RABGAP1L: variants seen among roughly 807,000 people sequenced by gnomAD.
RABGAP1L encodes rab GTPase-activating protein 1-like.
A neutral mutation model predicts 137.7 loss-of-function variants in RABGAP1L; 63 were observed. The ratio of observed to expected loss-of-function variants is 0.46; its 90% confidence interval spans 0.37 to 0.56. RABGAP1L has a LOEUF of 0.56. Ranked by LOEUF, RABGAP1L falls within the 20% of genes least tolerant of loss-of-function variation. The probability of loss-of-function intolerance (pLI) is 0.00; values close to 1 mark genes in which losing one functional copy is unlikely to be tolerated. For missense variants in RABGAP1L, 1,095 were observed against 1,244.0 expected, an observed-to-expected ratio of 0.88 and a Z score of 1.80; for synonymous variants, 431 against 433.7, an observed-to-expected ratio of 0.99 and a Z score of 0.08.
chr1:174,280,033 ACTGT>A (rs764616769), intron 10 of RABGAP1L, among the ~76,000 whole-genome samples: 1 of 124,524 alleles, frequency 8.0e-6, no homozygotes. Flanking sequence ...AGTACTTTTG[ACTGT>A]CTGTCTGCCT....
chr1:174,672,281 C>CTTTTTTTTTT (rs1256381168), intron 14 of RABGAP1L, among the ~76,000 whole-genome samples: 1 of 118,386 alleles, frequency 8.4e-6, no homozygotes, highest in Non-Finnish European at 1.7e-5. Flanking sequence ...TTTTTCCTTT[C>CTTTTTTTTTT]TTTTTTTTTT....
At position 174,448,002 on chromosome 1, in the gene RABGAP1L, C is replaced by T; in HGVS notation, c.1710+53857C>T. The T allele has an allele frequency of 7.1e-6, 6 of 843,544 alleles. No homozygotes were observed. The highest frequency in any genetic ancestry group is 6.6e-5 in the South Asian group (4 of 60,572). The allele number at this position is 843,544 out of a possible 1,614,324, so 52.3% of individuals were successfully genotyped here. ...CTCAGCTGTGACAGAAGCACTGACACTGTCTACTGAAGCAGGTTCTGAAAC... is the reference window on the plus strand; with the variant it reads ...CTCAGCTGTGACAGAAGCACTGACATTGTCTACTGAAGCAGGTTCTGAAAC... On this transcript the variant is annotated intron_variant, in intron 13 of 25. Transcript: ENST00000681986. The surrounding 1 kb of genome is among the most constrained non-coding windows in gnomAD (Gnocchi z 4.2).
At chr1:174,919,207 G>A (rs1245445095) in intron 19 of RABGAP1L, among the ~76,000 whole-genome samples, 5 of 152,014 alleles carry the variant, frequency 3.3e-5, no homozygotes, top group East Asian at 3.9e-4. Context: ...TAGTAGAGAC[G>A]GGGTTTCTCC....
At chr1:174,169,692 T>C (rs542229454) in intron 1 of RABGAP1L, among the ~76,000 whole-genome samples, 1 of 151,796 alleles carries the variant, frequency 6.6e-6, no homozygotes, top group African/African-American at 2.4e-5. Context: ...CAATTTTTCC[T>C]TTTTTTCATG....
At chr1:174,958,243 A>G (rs1046035561) in intron 20 of RABGAP1L, 1 of 1,230,210 alleles carries the variant, frequency 8.1e-7, no homozygotes, top group African/African-American at 1.5e-5. Flanking sequence ...AACAACAGTG[A>G]TATTTGAGTT....
chr1:174,614,701 A>T (rs902675620), intron 13 of RABGAP1L, among the ~76,000 whole-genome samples: 1 of 152,132 alleles, frequency 6.6e-6, no homozygotes, highest in Non-Finnish European at 1.5e-5. Flanking sequence ...TCTCCCCGTC[A>T]CTTTCAGGTA....
intron 21 of RABGAP1L, 188 bp from the exon 22 acceptor site, chr1:174,975,890 C>T: frequency 1.8e-6 from 1 of 553,152 alleles, no homozygotes; most frequent in Non-Finnish European, 3.3e-6. Flanking sequence ...ATAATGTGTG[C>T]CAACTAGATG....
chr1:174,489,935 T>G (rs1660058302), intron 13 of RABGAP1L, among the ~76,000 whole-genome samples: 1 of 152,126 alleles, frequency 6.6e-6, no homozygotes, highest in Admixed American at 6.5e-5. Flanking sequence ...TTCTTTTTAA[T>G]TATTTCAATC....
chr1:174,373,669 C>G (rs1214820115), intron 12 of RABGAP1L, among the ~76,000 whole-genome samples: 4 of 152,158 alleles, frequency 2.6e-5, no homozygotes, highest in Non-Finnish European at 1.5e-5. Flanking sequence ...TACTTGTTAG[C>G]CTGGCTAGTA....
intron 17 of RABGAP1L, among the ~76,000 whole-genome samples, chr1:174,709,583 G>A (rs756842336): frequency 6.6e-6 from 1 of 152,108 alleles, no homozygotes; most frequent in Non-Finnish European, 1.5e-5. Context: ...TGCAAAAAGG[G>A]CCCTGACTAT....
chr1:174,263,036 C>T lies in RABGAP1L; in HGVS notation c.987-9378C>T, dbSNP rs577956342. The stretch of plus-strand genomic sequence containing the variant: ...GCTGTGCACTCACATGCAGTCCCTC[C>T]GTGAGCTCATAGCTTTGGTTCTGTC... On this transcript the variant is annotated intron_variant, in intron 7 of 25. Transcript: ENST00000681986. 4.7e-4 allele frequency among the ~76,000 whole-genome samples: 71 copies of T among 152,322 alleles called. 1 individual carries two copies. Among genetic ancestry groups the T allele is most frequent in the African/African-American group, 1.6e-3 (66 of 41,576 alleles).
chr1:174,313,224 G>A (rs1358933339), intron 11 of RABGAP1L, among the ~76,000 whole-genome samples: 3 of 152,094 alleles, frequency 2.0e-5, no homozygotes, highest in Non-Finnish European at 4.4e-5. Flanking sequence ...ACCACACCTG[G>A]CCATAAATGG....
At chr1:174,505,116 T>C (rs576978926) in intron 13 of RABGAP1L, among the ~76,000 whole-genome samples, 5 of 152,230 alleles carry the variant, frequency 3.3e-5, no homozygotes, top group African/African-American at 1.2e-4. Flanking sequence ...AAATGTTCAG[T>C]GCTATAAGAG....
At chr1:174,340,806 T>G (rs1681905220) in intron 11 of RABGAP1L, among the ~76,000 whole-genome samples, 2 of 152,232 alleles carry the variant, frequency 1.3e-5, no homozygotes, top group Admixed American at 6.5e-5. Flanking sequence ...GATTGCTGAG[T>G]CACATGGTAT....
intron 19 of RABGAP1L, chr1:174,935,153 T>G (rs531913901): frequency 3.9e-5 from 6 of 152,254 alleles, no homozygotes; most frequent in African/African-American, 7.2e-5. Flanking sequence ...TAAAATGGTT[T>G]CAGTTTAAAT....
chr1:174,391,437 C>G (rs1223717355), intron 12 of RABGAP1L, among the ~76,000 whole-genome samples: 1 of 152,186 alleles, frequency 6.6e-6, no homozygotes, highest in Non-Finnish European at 1.5e-5. Flanking sequence ...CCACCTCAGC[C>G]TCCCAAGTAG....
intron 13 of RABGAP1L, among the ~76,000 whole-genome samples, chr1:174,564,753 A>G (rs982022279): frequency 3.0e-4 from 46 of 152,150 alleles, no homozygotes; most frequent in African/African-American, 1.1e-3. Context: ...AGAGATGTGA[A>G]ATATATGTAA....
intron 18 of RABGAP1L, among the ~76,000 whole-genome samples, chr1:174,774,205 T>G (rs1686342824): frequency 1.3e-5 from 2 of 152,268 alleles, no homozygotes; most frequent in African/African-American, 4.8e-5. Context: ...TATCTTTTAT[T>G]GCTTTTCCTT....
At chr1:174,771,271 T>G in intron 18 of RABGAP1L, among the ~76,000 whole-genome samples, 1 of 152,202 alleles carries the variant, frequency 6.6e-6, no homozygotes, top group Admixed American at 6.5e-5. Flanking sequence ...TCCTAACTTA[T>G]AAAATAAAGA....
Sources: gnomAD v4.1 joint callset for allele counts (sites outside exome capture counted in the v4.1 genomes callset) on GRCh38, gnomAD v4.1.1 for gene constraint, Gnocchi (gnomAD v3.1) non-coding constraint, MANE v1.5 for transcripts, NCBI Gene and HGNC (gene_info 2026-07-23, HGNC 2026-07-21) for gene names.